TRIT1: variants seen among roughly 807,000 people sequenced by gnomAD.
The protein encoded by TRIT1 is tRNA isopentenyltransferase 1.
Under a neutral mutation model 51.2 loss-of-function variants are expected in TRIT1, and 43 were observed. The observed-to-expected ratio is 0.84, with a 90% confidence interval of 0.66 to 1.08. The LOEUF is 1.08. TRIT1 is among the 50% of genes least tolerant of loss of function. The pLI, the probability that TRIT1 is intolerant of heterozygous loss-of-function variation, is 0.00. For missense variants in TRIT1, 528 were observed against 578.4 expected, an observed-to-expected ratio of 0.91 and a Z score of 0.89; for synonymous variants, 184 against 203.9, an observed-to-expected ratio of 0.90 and a Z score of 0.83.
At chr1:39,849,532 A>G (rs1642436178) in intron 5 of TRIT1, among the ~76,000 whole-genome samples, 1 of 152,212 alleles carries the variant, frequency 6.6e-6, no homozygotes, top group Non-Finnish European at 1.5e-5. Flanking sequence ...TCACATAAAT[A>G]ATAGACAGAC....
At chr1:39,868,660 A>AC (rs1410045861) in intron 1 of TRIT1, among the ~76,000 whole-genome samples, 3 of 151,526 alleles carry the variant, frequency 2.0e-5, no homozygotes, top group Admixed American at 6.6e-5. Flanking sequence ...AAAAAAAAAA[A>AC]AACTCTTAAA....
At chr1:39,849,971 C>A in intron 5 of TRIT1, 148 bp downstream of exon 5, 1 of 853,124 alleles carries the variant, frequency 1.2e-6, no homozygotes, top group South Asian at 1.9e-5. Context: ...CCTAAGCCAA[C>A]AAATAATGAT....
chr1:39,844,545 G>T lies in TRIT1; in HGVS notation c.1102C>A (p.Gln368Lys). 1 of 1,613,382 alleles carries T rather than the reference G, an allele frequency of 6.2e-7. No homozygotes were observed. The highest frequency in any genetic ancestry group is 8.5e-7 in the Non-Finnish European group (1 of 1,179,372). Residue 368 changes from glutamine (Q) to lysine (K), a missense_variant, in exon 9 of 11, where the codon CAA (glutamine) becomes AAA (lysine). Gln to Lys is a moderately conservative substitution (Grantham distance 53). Around this residue, in one of 3 missense-constraint regions of TRIT1, gnomAD observed 468 missense variants for 522.6 expected, o/e 0.90. Coordinates refer to ENST00000316891, the MANE Select transcript of TRIT1 (RefSeq NM_017646.6). ...SVLEPALEIV[Q>K]SFIQGHKPTA... is the part of the protein sequence containing the mutation. ...TTCATAATTACCTGGATGAAACTTT[G>T]CACGATTTCAAGAGCAGGTTCAAGA...
chr1:39,848,117 T>A lies in TRIT1; in HGVS notation c.704-20A>T. The A allele has an allele frequency of 6.2e-7, 1 of 1,604,288 alleles. No homozygotes were observed. The highest frequency in any genetic ancestry group is 8.5e-7 in the Non-Finnish European group (1 of 1,171,168). ...CTAGAACTTGAATCAAATTAGCCCA[T>A]CAACCAGCAAGCAAGTTGTAGGTAC... is the stretch of plus-strand genomic sequence containing the variant. On this transcript the variant is annotated intron_variant, in intron 5 of 10. Transcript: ENST00000316891.
At chr1:39,848,660 C>T (rs10789047) in intron 5 of TRIT1, among the ~76,000 whole-genome samples, 68,752 of 150,576 alleles carry the variant, frequency 0.46, 16,201 homozygotes, top group East Asian at 0.6. Flanking sequence ...CTGTCTCTAC[C>T]AAAAGTACAA....
At chr1:39,877,870 A>C (rs1644123828) in intron 1 of TRIT1, among the ~76,000 whole-genome samples, 1 of 152,224 alleles carries the variant, frequency 6.6e-6, no homozygotes, top group Non-Finnish European at 1.5e-5. Flanking sequence ...TCCATCCTGG[A>C]AAACAGGGAT....
In TRIT1 at chr1:39,880,308, C is replaced by T. The variant is rs148212455; in HGVS notation, c.174+3010G>A. Among the ~76,000 whole-genome samples, 97 of 121,358 alleles carry T rather than the reference C, an allele frequency of 8.0e-4. 1 individual carries two copies. The East Asian group carries it at 0.02, about 25-fold the overall frequency. 79.6% of individuals were successfully genotyped at this position (121,358 alleles called of 152,430 possible). A position where few individuals can be genotyped will look rare whatever the true frequency, so the allele number is the denominator to read the frequency against. On this transcript the variant is annotated intron_variant, in intron 1 of 10. Transcript: ENST00000316891. ...AAAAAAAAAAAGAAGAAACTGTAAA[C>T]ATTTGGTAAACAATGCTTTGAAAAT...
chr1:39,865,530 A>G (rs1236010397), intron 1 of TRIT1, among the ~76,000 whole-genome samples: 1 of 152,124 alleles, frequency 6.6e-6, no homozygotes, highest in African/African-American at 2.4e-5. Flanking sequence ...TAGCATATAG[A>G]AAAGTGGTTA....
At chr1:39,864,835 T>C (rs1643446825) in intron 1 of TRIT1, among the ~76,000 whole-genome samples, 1 of 152,110 alleles carries the variant, frequency 6.6e-6, no homozygotes, top group Admixed American at 6.6e-5. Flanking sequence ...GAGCTCTGAG[T>C]GCTGGCTGTG....
chr1:39,881,976 C>T (rs537382452), intron 1 of TRIT1, among the ~76,000 whole-genome samples: 1 of 152,312 alleles, frequency 6.6e-6, no homozygotes, highest in African/African-American at 2.4e-5. Flanking sequence ...AGTAGGGCCT[C>T]GCAGAAGATA....
In TRIT1 at chr1:39,840,000, GCCTCA is replaced by G. The variant is rs1652498632; in HGVS notation, c.*1739_*1743del. 6.6e-6 allele frequency among the ~76,000 whole-genome samples: 1 copy of G among 152,138 alleles called. No individual in the cohort carries two copies. Among genetic ancestry groups the G allele is most frequent in the South Asian group, 2.1e-4 (1 of 4,830 alleles). ...AGTGCTTAATAGCTTGAGTCTACCAGCCTCACCTCAATTCCAGCTCTACCGCTTGC... is the reference window on the plus strand; with the variant it reads ...AGTGCTTAATAGCTTGAGTCTACCAGCCTCAATTCCAGCTCTACCGCTTGC... On this transcript the variant is annotated 3_prime_UTR_variant, in exon 11 of 11. Transcript: ENST00000316891.
At chr1:39,872,752 A>AACACACACACACACACAC (rs61554657) in intron 1 of TRIT1, among the ~76,000 whole-genome samples, 1,405 of 135,032 alleles carry the variant, frequency 0.01, 24 homozygotes, top group East Asian at 0.054. Context: ...GGAAGTACTA[A>AACACACACACACACACAC]ACACACACAC....
At chr1:39,845,898 C>A (rs770606862) in intron 8 of TRIT1, among the ~76,000 whole-genome samples, 1 of 152,148 alleles carries the variant, frequency 6.6e-6, no homozygotes, top group East Asian at 1.9e-4. Flanking sequence ...GGCATACACA[C>A]GAATGAGGAA....
chr1:39,861,001 C>T (rs951438570), intron 1 of TRIT1, among the ~76,000 whole-genome samples: 1 of 152,126 alleles, frequency 6.6e-6, no homozygotes, highest in Non-Finnish European at 1.5e-5. Context: ...CGCTTGAACC[C>T]GGACGGCAGA....
chr1:39,856,686 A>G (rs1302624245), intron 2 of TRIT1, among the ~76,000 whole-genome samples: 1 of 152,092 alleles, frequency 6.6e-6, no homozygotes, highest in Non-Finnish European at 1.5e-5. Flanking sequence ...TCCCCCTTAT[A>G]TTATTCTTTT....
intron 1 of TRIT1, among the ~76,000 whole-genome samples, chr1:39,866,554 A>C (rs1032849439): frequency 6.6e-6 from 1 of 152,206 alleles, no homozygotes; most frequent in Non-Finnish European, 1.5e-5. Flanking sequence ...TTTTTTAAAC[A>C]TAACTTCAGT....
chr1:39,856,195 A>G lies in TRIT1; in HGVS notation c.315+1082T>C, dbSNP rs146025560. The stretch of plus-strand genomic sequence containing the variant: ...GTGGCATGTGCCTGTAGTCCCAGCT[A>G]CTCAGGAGGATGAGGCAGGGGAATC... On this transcript the variant is annotated intron_variant, in intron 2 of 10. Transcript: ENST00000316891. 3.5e-3 allele frequency among the ~76,000 whole-genome samples: 533 copies of G among 152,240 alleles called. 1 individual carries two copies. Among genetic ancestry groups the G allele is most frequent in the African/African-American group, 0.012 (484 of 41,552 alleles).
intron 1 of TRIT1, among the ~76,000 whole-genome samples, chr1:39,870,513 T>TAAAAAA (rs60334518): frequency 2.4e-3 from 188 of 78,712 alleles, no homozygotes; most frequent in Middle Eastern, 7.9e-3. Context: ...CAATAAATAC[T>TAAAAAA]AAAAAAAAAA....
At position 39,843,553 on chromosome 1, in the gene TRIT1, TCA is replaced by T. The variant is rs946060014; in HGVS notation, c.1234+546_1234+547del. 5.3e-5 allele frequency among the ~76,000 whole-genome samples: 8 copies of T among 152,206 alleles called. 1 individual carries two copies. In the South Asian group the frequency reaches 6.2e-4, roughly 12 times the overall value. ...TTATACATGTGTGACAGGCTTACTT[TCA>T]CACAGTTTCTCTTAACTTCTTTTTA... On this transcript the variant is annotated intron_variant, in intron 10 of 10. Transcript: ENST00000316891.
Sources: gnomAD v4.1 joint callset for allele counts (sites outside exome capture counted in the v4.1 genomes callset) on GRCh38, gnomAD v4.1.1 for gene constraint, gnomAD v4.1.1 regional missense constraint, MANE v1.5 for transcripts, NCBI Gene and HGNC (gene_info 2026-07-23, HGNC 2026-07-21) for gene names.